FXR1: variants seen among roughly 807,000 people sequenced by gnomAD.
FXR1 encodes the protein RNA-binding protein FXR1.
In FXR1, 15 loss-of-function variants were observed where a neutral mutation model predicts 84.0. The ratio of observed to expected loss-of-function variants is 0.18; its 90% CI spans 0.12 to 0.27. The LOEUF is 0.27. FXR1 is among the 10% of genes least tolerant of loss of function. FXR1 has a pLI of 1.00. For synonymous variants in FXR1, 245 were observed against 250.7 expected, an observed-to-expected ratio of 0.98 and a Z score of 0.21; for missense variants, 480 against 774.4, an observed-to-expected ratio of 0.62 and a Z score of 4.51.
At chr3:180,915,220 G>A in intron 1 of FXR1, among the ~76,000 whole-genome samples, 1 of 152,062 alleles carries the variant, frequency 6.6e-6, no homozygotes, top group Admixed American at 6.6e-5. Flanking sequence ...CTTTTTTGGT[G>A]TACGGTTATG....
At chr3:180,941,631 A>T (rs945740186) in intron 3 of FXR1, among the ~76,000 whole-genome samples, 2 of 152,228 alleles carry the variant, frequency 1.3e-5, no homozygotes, top group African/African-American at 4.8e-5. Context: ...TACCAAGACC[A>T]TTGTTAGTCT....
At chr3:180,971,742 GTTTAT>G (rs1225402228) in intron 15 of FXR1, 4 of 152,556 alleles carry the variant, frequency 2.6e-5, no homozygotes, top group African/African-American at 9.7e-5. Flanking sequence ...GTTTTAGAAT[GTTTAT>G]TTTATGTAGT....
chr3:180,970,383 AATATATATATATATAT>A lies in FXR1; in HGVS notation c.1603+49_1603+64del, dbSNP rs56345724. The A allele has an allele frequency of 6.5e-4, 239 of 368,188 alleles. 4 individuals are homozygous for A. Among genetic ancestry groups the A allele is most frequent in the African/African-American group, 4.1e-3 (134 of 33,010 alleles). The allele number at this position is 368,188 out of a possible 1,614,324, so 22.8% of individuals were successfully genotyped here. The stretch of plus-strand genomic sequence containing the variant: ...GGTATGTAAGCACTTAGGGAAGAGA[AATATATATATATATAT>A]ATATATATATATATATATATATAAT... On this transcript the variant is annotated intron_variant, in intron 15 of 16. Coordinates refer to ENST00000357559, the MANE Select transcript of FXR1 (RefSeq NM_005087.4).
intron 1 of FXR1, 45 bp downstream of exon 1, chr3:180,912,781 G>T: frequency 6.2e-7 from 1 of 1,613,974 alleles, no homozygotes; most frequent in Non-Finnish European, 8.5e-7. Flanking sequence ...GGGTGCTGGA[G>T]CGCGTTTGAG....
At chr3:180,921,842 C>G (rs1410745375) in intron 1 of FXR1, among the ~76,000 whole-genome samples, 4 of 151,554 alleles carry the variant, frequency 2.6e-5, no homozygotes, top group African/African-American at 9.7e-5. Flanking sequence ...TTTTTTTCCC[C>G]TGGTTGCTCT....
intron 1 of FXR1, among the ~76,000 whole-genome samples, chr3:180,920,947 GTGTATT>G (rs1487768305): frequency 2.0e-4 from 31 of 152,314 alleles, no homozygotes; most frequent in Non-Finnish European, 3.4e-4. Flanking sequence ...GTAGACACTT[GTGTATT>G]CTTAAAGAAA....
At chr3:180,935,715 T>C (rs1053249390) in intron 3 of FXR1, among the ~76,000 whole-genome samples, 15 of 151,940 alleles carry the variant, frequency 9.9e-5, no homozygotes, top group African/African-American at 3.4e-4. Flanking sequence ...TGAGGAAAAA[T>C]TTAAAAGTAC....
chr3:180,931,489 C>G (rs769541289), intron 1 of FXR1, among the ~76,000 whole-genome samples: 29 of 152,020 alleles, frequency 1.9e-4, no homozygotes, highest in Non-Finnish European at 3.1e-4. Flanking sequence ...AAAGTGCTGG[C>G]ATTTCAGGCG....
intron 1 of FXR1, among the ~76,000 whole-genome samples, chr3:180,931,739 G>GT (rs5854881): frequency 0.071 from 7,196 of 101,460 alleles, 567 homozygotes; most frequent in African/African-American, 0.19. Flanking sequence ...GTTGTTGTGG[G>GT]TTTTTTTTTT....
At chr3:180,935,315 G>A (rs750676066) in intron 3 of FXR1, 84 bp downstream of exon 3, 28 of 673,786 alleles carry the variant, frequency 4.2e-5, no homozygotes, top group Non-Finnish European at 7.5e-5. Context: ...TTAGTTGATG[G>A]AGGATAAATC....
At chr3:180,926,563 A>G (rs1052498140) in intron 1 of FXR1, among the ~76,000 whole-genome samples, 1 of 147,602 alleles carries the variant, frequency 6.8e-6, no homozygotes, top group Non-Finnish European at 1.5e-5. Context: ...TTTGTTTTGC[A>G]ATCAGAAAAC....
intron 15 of FXR1, among the ~76,000 whole-genome samples, chr3:180,974,239 C>A (rs908055935): frequency 6.6e-6 from 1 of 150,654 alleles, no homozygotes; most frequent in African/African-American, 2.4e-5. Flanking sequence ...GCTCATTGCA[C>A]CCTCCACCTC....
rs1714360659 is a variant in FXR1, at chr3:180,977,620, CAGTT to C, written c.*1332_*1335del. 1.3e-5 allele frequency: 2 copies of C among 152,154 alleles called. No individual in the cohort carries two copies. Among genetic ancestry groups the C allele is most frequent in the South Asian group, 4.2e-4 (2 of 4,818 alleles). 9.4% of individuals were successfully genotyped at this position (152,154 alleles called of 1,614,324 possible). On this transcript the variant is annotated 3_prime_UTR_variant, in exon 17 of 17. Coordinates refer to ENST00000357559, the MANE Select transcript of FXR1 (RefSeq NM_005087.4). Reference sequence around the variant, plus strand: ...AGACATGAAGTTTAACAATGGACAACAGTTAGTACAGCTAATTGTGAGGTCAAGT... The same window carrying C: ...AGACATGAAGTTTAACAATGGACAACAGTACAGCTAATTGTGAGGTCAAGT...
intron 10 of FXR1, among the ~76,000 whole-genome samples, chr3:180,960,371 A>G (rs1711943880): frequency 1.3e-5 from 2 of 152,208 alleles, no homozygotes; most frequent in South Asian, 2.1e-4. Flanking sequence ...TGTAGGGATA[A>G]CTGGGTTAAT....
intron 7 of FXR1, among the ~76,000 whole-genome samples, chr3:180,949,697 A>G (rs1560001918): frequency 6.6e-6 from 1 of 152,084 alleles, no homozygotes; most frequent in Admixed American, 6.6e-5. Flanking sequence ...ATTTAGTTTT[A>G]TATTTTTCAA....
chr3:180,955,294 C>G (rs980911040), intron 9 of FXR1, among the ~76,000 whole-genome samples: 7 of 151,990 alleles, frequency 4.6e-5, no homozygotes, highest in African/African-American at 1.4e-4. Flanking sequence ...CCACCGCGCC[C>G]GGATGTAAAA....
intron 1 of FXR1, among the ~76,000 whole-genome samples, chr3:180,930,787 C>A (rs186465365): frequency 1.9e-3 from 291 of 152,168 alleles, no homozygotes; most frequent in Admixed American, 3.1e-3. Flanking sequence ...ATAATCTCAG[C>A]ACTTTGGGAG....
intron 1 of FXR1, among the ~76,000 whole-genome samples, chr3:180,932,090 A>AAAAAAAAAAAAC (rs1553842548): frequency 6.7e-6 from 1 of 149,894 alleles, no homozygotes; most frequent in Non-Finnish European, 1.5e-5. Context: ...AAAAAAAAAA[A>AAAAAAAAAAAAC]CAACTTTTTT....
chr3:180,932,701 A>G (rs1720079678), intron 1 of FXR1, among the ~76,000 whole-genome samples: 1 of 152,194 alleles, frequency 6.6e-6, no homozygotes, highest in African/African-American at 2.4e-5. Flanking sequence ...ATTTTCTTTT[A>G]AGGGAAGGGA....
Sources: allele counts gnomAD v4.1 joint callset (sites outside exome capture counted in the v4.1 genomes callset), GRCh38; gene constraint gnomAD v4.1.1; transcripts MANE v1.5; gene names NCBI Gene and HGNC (gene_info 2026-07-23, HGNC 2026-07-21).